The following DPH5 variants were observed in gnomAD, a reference collection of about 807,000 sequenced individuals.
The protein encoded by DPH5 is diphthamide biosynthesis 5, also known as diphthine methyl ester synthase.
DPH5 carries 31 observed loss-of-function variants against 31.6 expected under a neutral mutation model. The observed-to-expected ratio is 0.98, with a 90% CI of 0.74 to 1.32. The LOEUF is 1.32. DPH5 is among the 40% of genes most tolerant of loss of function. DPH5 has a pLI of 0.00. For missense variants in DPH5, 309 were observed against 335.7 expected, an observed-to-expected ratio of 0.92 and a Z score of 0.62; for synonymous variants, 120 against 115.0, an observed-to-expected ratio of 1.04 and a Z score of -0.28.
At chr1:101,008,911 T>A (rs189283781) in intron 4 of DPH5, among the ~76,000 whole-genome samples, 1 of 152,318 alleles carries the variant, frequency 6.6e-6, no homozygotes, top group African/African-American at 2.4e-5. Flanking sequence ...TTTAGAACAT[T>A]TTTCATCACC....
intron 5 of DPH5, among the ~76,000 whole-genome samples, chr1:100,999,367 T>C (rs1191998285): frequency 1.3e-5 from 2 of 152,156 alleles, no homozygotes; most frequent in Non-Finnish European, 1.5e-5. Context: ...GGAGGATCAC[T>C]TGGGCATGGG....
chr1:100,994,817 G>A (rs1658185517), intron 6 of DPH5, among the ~76,000 whole-genome samples: 1 of 152,058 alleles, frequency 6.6e-6, no homozygotes, highest in South Asian at 2.1e-4. Flanking sequence ...ATGAACAACC[G>A]CACCCGGCCT....
intron 5 of DPH5, among the ~76,000 whole-genome samples, chr1:100,996,782 T>C (rs952228922): frequency 7.9e-5 from 12 of 152,242 alleles, no homozygotes; most frequent in African/African-American, 2.9e-4. Flanking sequence ...CCTCTAATTA[T>C]ATCATATATA....
In DPH5 at chr1:101,013,647, A is replaced by G; in HGVS notation, c.369+63T>C. ...ATAAAATACAATTAAATGTATTTTC[A>G]ATTTGTGGAAAAATAAAACATTTTT... On this transcript the variant is annotated intron_variant, in intron 4 of 7. Coordinates refer to ENST00000370109, the MANE Select transcript of DPH5 (RefSeq NM_015958.3). The G allele has an allele frequency of 4.5e-6, 5 of 1,116,256 alleles. No individual in the cohort carries two copies. In the South Asian group the frequency reaches 7.5e-5, roughly 17 times the overall value. The allele number at this position is 1,116,256 out of a possible 1,614,324, so 69.1% of individuals were successfully genotyped here.
intron 2 of DPH5, 115 bp downstream of exon 2, chr1:101,025,194 A>G: frequency 7.9e-7 from 1 of 1,261,150 alleles, no homozygotes; most frequent in Non-Finnish European, 1.1e-6. Flanking sequence ...TGAACAAGGG[A>G]TGCGTTTCAA....
At chr1:100,995,648 T>G (rs1003785912) in intron 5 of DPH5, 2 of 155,522 alleles carry the variant, frequency 1.3e-5, no homozygotes, top group African/African-American at 4.8e-5. Flanking sequence ...GATTTGAGCA[T>G]GGACTGTGTG....
intron 4 of DPH5, among the ~76,000 whole-genome samples, chr1:101,012,451 G>C (rs1179348764): frequency 1.3e-5 from 2 of 152,196 alleles, no homozygotes; most frequent in Non-Finnish European, 2.9e-5. Context: ...AAGAATACTG[G>C]ACTAGGGATC....
At chr1:101,004,807 G>A (rs1303606921) in intron 4 of DPH5, among the ~76,000 whole-genome samples, 1 of 152,204 alleles carries the variant, frequency 6.6e-6, no homozygotes, top group Non-Finnish European at 1.5e-5. Context: ...ATTTAAGACT[G>A]GAGAAGCCGA....
Position 100,990,050 on chromosome 1 carries a change from A to T in DPH5, c.*358T>A, listed in dbSNP as rs1657525934. The T allele has an allele frequency of 7.7e-6, 2 of 258,846 alleles. No individual in the cohort carries two copies. The highest frequency in any genetic ancestry group is 1.5e-5 in the Non-Finnish European group (2 of 132,760). The allele number at this position is 258,846 out of a possible 1,614,324, so 16.0% of individuals were successfully genotyped here. The stretch of plus-strand genomic sequence containing the variant: ...CATTCTCACACTGCTATGAAGAAAT[A>T]CCCGAGACTGGGTAATTATAAAAGA... On this transcript the variant is annotated 3_prime_UTR_variant, in exon 8 of 8. Transcript: ENST00000370109.
rs569838007 is a variant in DPH5 at position 101,018,561 on chromosome 1, T to C, written c.260+3080A>G. On this transcript the variant is annotated intron_variant, in intron 3 of 7. Coordinates refer to ENST00000370109, the MANE Select transcript of DPH5 (RefSeq NM_015958.3). ...GCTGGTATGTTTGTTTTAAATTTTATAGTGTCTCCGTTTTTGACATAAGTG... is the reference window on the plus strand; with the variant it reads ...GCTGGTATGTTTGTTTTAAATTTTACAGTGTCTCCGTTTTTGACATAAGTG... 3.9e-5 allele frequency among the ~76,000 whole-genome samples: 6 copies of C among 152,276 alleles called. No individual in the cohort carries two copies. The South Asian group carries it at 6.2e-4, about 16-fold the overall frequency.
chr1:101,016,219 T>C (rs1417967527), intron 3 of DPH5, among the ~76,000 whole-genome samples: 4 of 151,432 alleles, frequency 2.6e-5, no homozygotes, highest in Non-Finnish European at 5.9e-5. Context: ...CTGGGCGTGG[T>C]GGCAGGCGCC....
chr1:101,021,820 A>G, intron 2 of DPH5, 55 bp from the exon 3 acceptor site: 2 of 447,358 alleles, frequency 4.5e-6, no homozygotes, highest in Non-Finnish European at 6.4e-6. Context: ...CCATTCTAAC[A>G]CACACACACA....
At chr1:101,013,919 T>G in intron 3 of DPH5, 101 bp from the exon 4 acceptor site, 1 of 861,590 alleles carries the variant, frequency 1.2e-6, no homozygotes, top group African/African-American at 1.7e-5. Flanking sequence ...GCAGGAGCAC[T>G]GCCTTTCTTC....
rs899061070 is a variant in DPH5 at position 100,999,381 on chromosome 1, T to C, written c.490+2086A>G. 2.0e-5 allele frequency among the ~76,000 whole-genome samples: 3 copies of C among 152,100 alleles called. No individual in the cohort carries two copies. In the South Asian group the frequency reaches 6.2e-4, roughly 32 times the overall value. Reference sequence around the variant, plus strand: ...GGGAGGATCACTTGGGCATGGGAGGTTGAGACTGCAGTATGCTGAGATTGT... The same window carrying C: ...GGGAGGATCACTTGGGCATGGGAGGCTGAGACTGCAGTATGCTGAGATTGT... On this transcript the variant is annotated intron_variant, in intron 5 of 7. Transcript: ENST00000370109.
chr1:101,002,765 GATTAGTC>G (rs1658967761), intron 4 of DPH5, among the ~76,000 whole-genome samples: 1 of 152,078 alleles, frequency 6.6e-6, no homozygotes, highest in African/African-American at 2.4e-5. Context: ...CTGGAGCAAG[GATTAGTC>G]ATCCTCTGCT....
At chr1:101,012,951 G>A (rs926052985) in intron 4 of DPH5, among the ~76,000 whole-genome samples, 1 of 152,158 alleles carries the variant, frequency 6.6e-6, no homozygotes, top group African/African-American at 2.4e-5. Flanking sequence ...TGTGTTTCAG[G>A]AAGACACACT....
intron 4 of DPH5, among the ~76,000 whole-genome samples, chr1:101,006,202 AG>A (rs1659222338): frequency 6.6e-6 from 1 of 152,220 alleles, no homozygotes; most frequent in African/African-American, 2.4e-5. Context: ...TCAATTTCCC[AG>A]TCTTGGGTAT....
chr1:101,007,899 A>G (rs1659353366), intron 4 of DPH5, among the ~76,000 whole-genome samples: 1 of 152,208 alleles, frequency 6.6e-6, no homozygotes, highest in Non-Finnish European at 1.5e-5. Context: ...GCCTGGCTTT[A>G]GACATACAAA....
In DPH5 at chr1:101,025,362, G is replaced by T. The variant is rs1343460495; in HGVS notation, c.82C>A (p.Arg28=). Residue 28 remains arginine, a synonymous_variant, in exon 2 of 8, where the codon CGA becomes AGA. Coordinates refer to ENST00000370109, the MANE Select transcript of DPH5 (RefSeq NM_015958.3). ...KGLEVVRRCS[R]VYLEAYTSVL... is the part of the protein sequence containing the mutation. ...GAGGTGTAGGCTTCCAGATACACTC[G>T]ACTGCAGCGTCTAACAACTTCCAGG... 6.2e-7 allele frequency: 1 copy of T among 1,614,132 alleles called. No individual in the cohort carries two copies. Among genetic ancestry groups the T allele is most frequent in the Admixed American group, 1.7e-5 (1 of 60,024 alleles).
Sources: allele counts gnomAD v4.1 joint callset (sites outside exome capture counted in the v4.1 genomes callset), GRCh38; gene constraint gnomAD v4.1.1; transcripts MANE v1.5; gene names NCBI Gene and HGNC (gene_info 2026-07-23, HGNC 2026-07-21).